The following TRIO variants were observed in gnomAD, a reference collection of about 807,000 sequenced individuals.
The protein encoded by TRIO is triple functional domain protein.
In TRIO, 58 loss-of-function variants were observed where a neutral mutation model predicts 351.9. The ratio of observed to expected loss-of-function variants is 0.16; its 90% CI spans 0.13 to 0.21. The LOEUF is 0.21. Among genes scored for constraint, TRIO ranks in the 10% least tolerant of loss-of-function variants. TRIO has a pLI of 1.00. For missense variants in TRIO, 3,201 were observed against 4,027.8 expected (o/e 0.79, Z 5.56); for synonymous variants, 1,758 against 1,595.7 (o/e 1.10, Z -2.42).
chr5:14,436,942 T>A (rs1266983906), intron 34 of TRIO, among the ~76,000 whole-genome samples: 1 of 152,200 alleles, frequency 6.6e-6, no homozygotes, highest in Non-Finnish European at 1.5e-5. Flanking sequence ...GGGTCTGCCA[T>A]TCTGCGGGTC....
chr5:14,265,236 G>A (rs10042362), intron 1 of TRIO, among the ~76,000 whole-genome samples: 47,618 of 151,872 alleles, frequency 0.31, 9,091 homozygotes, highest in East Asian at 0.55. Context: ...AGGAGGAGAC[G>A]CAGCCAGTTT....
chr5:14,391,014 A>G (rs1451369869), intron 27 of TRIO, 24 bp downstream of exon 27: 1 of 1,555,032 alleles, frequency 6.4e-7, no homozygotes, highest in Non-Finnish European at 8.7e-7. Context: ...TCCTAAAGAG[A>G]CCATAATTTT....
chr5:14,497,840 A>G lies in TRIO; in HGVS notation c.8020-7A>G. On this transcript the variant is annotated splice_region_variant and splice_polypyrimidine_tract_variant and intron_variant, in intron 50 of 56. Coordinates refer to ENST00000344204, the MANE Select transcript of TRIO (RefSeq NM_007118.4). This position sits in a 1 kb window ranked among gnomAD's most constrained non-coding sequence, Gnocchi z 4.4. ...CAGTTAATGCTTGTTTGCTGTTTCCATTTCAGCTTCTCAATCCCAACTACA... is the reference window on the plus strand; with the variant it reads ...CAGTTAATGCTTGTTTGCTGTTTCCGTTTCAGCTTCTCAATCCCAACTACA... The G allele has an allele frequency of 3.7e-6, 6 of 1,614,168 alleles. No individual in the cohort carries two copies. Among genetic ancestry groups the G allele is most frequent in the Non-Finnish European group, 5.1e-6 (6 of 1,180,030 alleles).
intron 1 of TRIO, among the ~76,000 whole-genome samples, chr5:14,231,102 A>G (rs1418516198): frequency 6.6e-6 from 1 of 152,208 alleles, no homozygotes; most frequent in African/African-American, 2.4e-5. Flanking sequence ...TTAACAATCC[A>G]AAGGTTTAGG....
chr5:14,392,034 A>G (rs191345438), intron 27 of TRIO, among the ~76,000 whole-genome samples: 1 of 152,346 alleles, frequency 6.6e-6, no homozygotes, highest in East Asian at 1.9e-4. Flanking sequence ...ATATTTTAGT[A>G]TTAAGTATTT....
At chr5:14,199,552 G>A (rs111964786) in intron 1 of TRIO, among the ~76,000 whole-genome samples, 98 of 152,312 alleles carry the variant, frequency 6.4e-4, no homozygotes, top group African/African-American at 2.3e-3. Context: ...TTGTCACTAA[G>A]GATCAGCTCT....
At chr5:14,234,852 A>G (rs540821738) in intron 1 of TRIO, among the ~76,000 whole-genome samples, 26 of 152,366 alleles carry the variant, frequency 1.7e-4, no homozygotes, top group Non-Finnish European at 3.4e-4. Context: ...TAAAATTTTC[A>G]TCTAATCTAC....
chr5:14,398,822 G>T (rs1002346168), intron 29 of TRIO, 58 bp from the exon 30 acceptor site: 2 of 1,481,996 alleles, frequency 1.3e-6, no homozygotes. Flanking sequence ...ATGCTTTCTT[G>T]TGCATCAGTT....
intron 56 of TRIO, 60 bp downstream of exon 56, chr5:14,507,320 A>G (rs1217160103): frequency 1.0e-5 from 16 of 1,592,674 alleles, no homozygotes; most frequent in Non-Finnish European, 1.4e-5. Flanking sequence ...GCCATGCGGG[A>G]CACAGAGCCC....
At chr5:14,195,702 T>G (rs1195778723) in intron 1 of TRIO, among the ~76,000 whole-genome samples, 1 of 152,228 alleles carries the variant, frequency 6.6e-6, no homozygotes, top group Non-Finnish European at 1.5e-5. Context: ...CTTTCCCTTC[T>G]CATTGACTTA....
At chr5:14,330,243 A>C (rs1161932261) in intron 9 of TRIO, among the ~76,000 whole-genome samples, 1 of 152,220 alleles carries the variant, frequency 6.6e-6, no homozygotes, top group Admixed American at 6.5e-5. Context: ...GCAGCATCTT[A>C]GTTTAAAGAA....
intron 16 of TRIO, 105 bp from the exon 17 acceptor site, chr5:14,368,603 T>C (rs1744803055): frequency 1.5e-6 from 2 of 1,293,894 alleles, no homozygotes; most frequent in Non-Finnish European, 2.1e-6. Context: ...ACTGAAGGTA[T>C]TTCCACAAAA....
chr5:14,183,480 T>C (rs373571250), intron 1 of TRIO, among the ~76,000 whole-genome samples: 1 of 152,270 alleles, frequency 6.6e-6, no homozygotes, highest in East Asian at 1.9e-4. Flanking sequence ...AGAATAATTA[T>C]TGCATCCCCT....
At chr5:14,155,486 G>A (rs1788052971) in intron 1 of TRIO, among the ~76,000 whole-genome samples, 2 of 152,078 alleles carry the variant, frequency 1.3e-5, no homozygotes, top group Non-Finnish European at 2.9e-5. Flanking sequence ...AAAAAATTAT[G>A]GTCCAGGATC....
chr5:14,491,810 A>G (rs1485332011), intron 48 of TRIO, among the ~76,000 whole-genome samples: 1 of 152,156 alleles, frequency 6.6e-6, no homozygotes, highest in East Asian at 1.9e-4. Flanking sequence ...TCCGTTCCCA[A>G]AGCTTGAGTC....
At chr5:14,296,893 A>C (rs1002118320) in intron 6 of TRIO, among the ~76,000 whole-genome samples, 179 bp from the exon 7 acceptor site, 1 of 152,198 alleles carries the variant, frequency 6.6e-6, no homozygotes, top group African/African-American at 2.4e-5. Context: ...CAATACTTCA[A>C]GTTTATGGAA....
chr5:14,407,611 A>G (rs902119162), intron 33 of TRIO, among the ~76,000 whole-genome samples: 1 of 152,238 alleles, frequency 6.6e-6, no homozygotes, highest in Non-Finnish European at 1.5e-5. Context: ...GCAGCAGAAC[A>G]TAGAAAACCT....
At chr5:14,458,445 T>C (rs1753529992) in intron 34 of TRIO, among the ~76,000 whole-genome samples, 4 of 152,180 alleles carry the variant, frequency 2.6e-5, no homozygotes, top group Admixed American at 2.6e-4. Context: ...GCCATCTCCT[T>C]CAGGGACCCT....
rs1756937076 is a variant in TRIO at position 14,496,974 on chromosome 5, A to G, written c.7976A>G (p.Tyr2659Cys). The change falls in exon 50 of 57, where the codon TAT becomes TGT. Residue 2659 changes from tyrosine to cysteine, a missense_variant. Physicochemically the swap from Tyr to Cys is radical, Grantham distance 194 (BLOSUM62 -2). This residue lies in a region of TRIO where 1,089 missense variants were observed against 954.9 expected (regional missense o/e 1.14). Transcript: ENST00000344204. ...GKREGKLENG[Y>C]RKSREGLSNK... Reference sequence around the variant, plus strand: ...AGGGAAGGCAAGTTAGAGAACGGTTATCGGAAGTCACGGGAAGGACTCAGC... The same window carrying G: ...AGGGAAGGCAAGTTAGAGAACGGTTGTCGGAAGTCACGGGAAGGACTCAGC... 1.9e-6 allele frequency: 3 copies of G among 1,614,238 alleles called. No individual in the cohort carries two copies. Among genetic ancestry groups the G allele is most frequent in the African/African-American group, 1.3e-5 (1 of 75,078 alleles).
Sources: gnomAD v4.1 joint callset for allele counts (sites outside exome capture counted in the v4.1 genomes callset) on GRCh38, gnomAD v4.1.1 for gene constraint, gnomAD v4.1.1 regional missense constraint, Gnocchi (gnomAD v3.1) non-coding constraint, MANE v1.5 for transcripts, NCBI Gene and HGNC (gene_info 2026-07-23, HGNC 2026-07-21) for gene names.